The following SAMD5 variants were observed in gnomAD, a reference collection of about 807,000 sequenced individuals.
SAMD5 encodes the protein sterile alpha motif domain containing 5, also known as sterile alpha motif domain-containing protein 5.
In SAMD5, 13 loss-of-function variants were observed where a neutral mutation model predicts 11.3. The ratio of observed to expected loss-of-function variants is 1.15; its 90% CI spans 0.75 to 1.83. The LOEUF (loss-of-function observed/expected upper bound fraction) is 1.83, where lower values mean the gene tolerates loss of function less well. Among genes scored for constraint, SAMD5 ranks in the 40% most tolerant of loss-of-function variants. The probability of loss-of-function intolerance (pLI) is 0.00; values close to 1 mark genes in which losing one functional copy is unlikely to be tolerated. For synonymous variants in SAMD5, 129 were observed against 111.3 expected (o/e 1.16, Z -1.00); for missense variants, 255 against 239.1 (o/e 1.07, Z -0.44).
chr6:147,909,117 G>A, the SAMD5 span, among the ~76,000 whole-genome samples: 100 of 152,334 alleles, frequency 6.6e-4, 3 homozygotes, highest in East Asian at 0.019. Flanking sequence ...GCTGAGGCAG[G>A]AGGATCACTT....
At chr6:147,785,280 G>A in the SAMD5 span, among the ~76,000 whole-genome samples, 1 of 152,106 alleles carries the variant, frequency 6.6e-6, no homozygotes, top group Admixed American at 6.6e-5. Flanking sequence ...TCCAGAACTG[G>A]AATCCTGTCC....
Position 147,711,077 on chromosome 6 carries a change from G to A in SAMD5, c.163-26240G>A, listed in dbSNP as rs1323482949. Among the ~76,000 whole-genome samples the A allele has an allele frequency of 2.0e-5, 3 of 151,342 alleles. No homozygotes were observed. Among genetic ancestry groups the A allele is most frequent in the Non-Finnish European group, 4.4e-5 (3 of 67,860 alleles). ...GAAGGAAAAGAAGGAAGGAAGGAAG[G>A]GAAGGAAGGGGGCAATGGAAAGTAT... is the stretch of plus-strand genomic sequence containing the variant. On this transcript the variant is annotated intron_variant, in intron 1 of 1. Transcript: ENST00000566741. The surrounding 1 kb of genome is among the most constrained non-coding windows in gnomAD (Gnocchi z 4.1).
At chr6:147,913,369 C>G in the SAMD5 span, among the ~76,000 whole-genome samples, 1 of 152,100 alleles carries the variant, frequency 6.6e-6, no homozygotes, top group Non-Finnish European at 1.5e-5. Flanking sequence ...TAGGATTGAT[C>G]AAACACATAC....
Position 147,512,243 on chromosome 6 carries a change from A to G in SAMD5, c.459+2856A>G, listed in dbSNP as rs1167943377. Among the ~76,000 whole-genome samples the G allele has an allele frequency of 2.0e-5, 3 of 152,258 alleles. No individual in the cohort carries two copies. In the East Asian group the frequency reaches 5.8e-4, roughly 29 times the overall value. ...AGAGTGCTGGGATTACAAGTGAGCCACCGCACCCCGCCAGAATGTGTAGTA... is the reference window on the plus strand; with the variant it reads ...AGAGTGCTGGGATTACAAGTGAGCCGCCGCACCCCGCCAGAATGTGTAGTA... On this transcript the variant is annotated intron_variant, in intron 1 of 1. Transcript: ENST00000367474.
the SAMD5 span, among the ~76,000 whole-genome samples, chr6:147,855,416 C>A: frequency 6.6e-6 from 1 of 152,134 alleles, no homozygotes; most frequent in African/African-American, 2.4e-5. Flanking sequence ...CTATGACTTT[C>A]CAGAAAGCAG....
At chr6:147,924,086 T>C in the SAMD5 span, among the ~76,000 whole-genome samples, 7 of 152,156 alleles carry the variant, frequency 4.6e-5, no homozygotes, top group African/African-American at 1.7e-4. Flanking sequence ...CCTGTGTTAT[T>C]TGGTTACTTC....
intron 1 of SAMD5, among the ~76,000 whole-genome samples, chr6:147,590,702 C>T (rs1022808970): frequency 6.6e-6 from 1 of 152,120 alleles, no homozygotes; most frequent in Non-Finnish European, 1.5e-5. Context: ...TGAGCCACTG[C>T]GCCTGGCCTC....
chr6:147,523,595 A>C (rs1441151122), intron 1 of SAMD5, among the ~76,000 whole-genome samples: 1 of 152,224 alleles, frequency 6.6e-6, no homozygotes, highest in Non-Finnish European at 1.5e-5. Flanking sequence ...TTGATTGACA[A>C]AAATAGTACT....
chr6:147,586,967 T>C (rs1016346992), intron 1 of SAMD5, among the ~76,000 whole-genome samples: 4 of 152,200 alleles, frequency 2.6e-5, no homozygotes, highest in African/African-American at 4.8e-5. Context: ...TTATATATGA[T>C]ATTTTAAGCT....
At chr6:147,623,997 G>A (rs1335152194) in intron 1 of SAMD5, among the ~76,000 whole-genome samples, 5 of 152,062 alleles carry the variant, frequency 3.3e-5, no homozygotes, top group African/African-American at 1.2e-4. Flanking sequence ...AGCCTCCCAA[G>A]TAGCTGGGAT....
At chr6:147,654,856 G>C (rs1790542819) in intron 1 of SAMD5, among the ~76,000 whole-genome samples, 1 of 151,992 alleles carries the variant, frequency 6.6e-6, no homozygotes, top group Non-Finnish European at 1.5e-5. Flanking sequence ...CTTGTTGTCA[G>C]TTTGCCCTCC....
the SAMD5 span, among the ~76,000 whole-genome samples, chr6:147,924,635 G>A: frequency 3.3e-5 from 5 of 150,956 alleles, no homozygotes; most frequent in Admixed American, 6.6e-5. Context: ...TAAATAAACC[G>A]AACAAAACTA....
At chr6:147,760,166 T>G in the SAMD5 span, among the ~76,000 whole-genome samples, 23 of 152,180 alleles carry the variant, frequency 1.5e-4, no homozygotes, top group Admixed American at 1.4e-3. Context: ...ATGACTCAGA[T>G]GTAGCTTATC....
chr6:147,890,707 A>G, the SAMD5 span, among the ~76,000 whole-genome samples: 1 of 152,104 alleles, frequency 6.6e-6, no homozygotes, highest in Non-Finnish European at 1.5e-5. Context: ...TTGTTGATAC[A>G]GATGCAGGAA....
intron 1 of SAMD5, among the ~76,000 whole-genome samples, chr6:147,663,483 A>T (rs949139465): frequency 6.6e-6 from 1 of 152,142 alleles, no homozygotes; most frequent in African/African-American, 2.4e-5. Flanking sequence ...AAAGTTAATC[A>T]AAAAAGAAAA....
At chr6:147,839,986 G>A in the SAMD5 span, among the ~76,000 whole-genome samples, 4 of 152,152 alleles carry the variant, frequency 2.6e-5, no homozygotes, top group African/African-American at 9.7e-5. Context: ...GCTGAGATGG[G>A]AAGCCAGGCT....
intron 1 of SAMD5, among the ~76,000 whole-genome samples, chr6:147,535,336 AC>A: frequency 6.6e-6 from 1 of 152,344 alleles, no homozygotes; most frequent in South Asian, 2.1e-4. Context: ...TGAACAGCCT[AC>A]TATAAGGTAA....
chr6:147,931,824 C>T, the SAMD5 span, among the ~76,000 whole-genome samples: 1 of 152,130 alleles, frequency 6.6e-6, no homozygotes, highest in Admixed American at 6.5e-5. Flanking sequence ...TTTGAAACAT[C>T]TTTGGTTTCA....
At chr6:147,722,623 A>G (rs912072350) in intron 1 of SAMD5, among the ~76,000 whole-genome samples, 13 of 152,228 alleles carry the variant, frequency 8.5e-5, no homozygotes, top group African/African-American at 3.1e-4. Context: ...GCTCTTTATT[A>G]TAGTCCATTT....
Sources: gnomAD v4.1 joint callset for allele counts (sites outside exome capture counted in the v4.1 genomes callset) on GRCh38, gnomAD v4.1.1 for gene constraint, Gnocchi (gnomAD v3.1) non-coding constraint, MANE v1.5 for transcripts, NCBI Gene and HGNC (gene_info 2026-07-23, HGNC 2026-07-21) for gene names.